Variants in MYO1H observed in about 807,000 individuals in gnomAD.
The protein encoded by MYO1H is unconventional myosin-Ih.
In MYO1H, 118 loss-of-function variants were observed where a neutral mutation model predicts 149.3. The ratio of observed to expected loss-of-function variants is 0.79; its 90% CI spans 0.68 to 0.92. MYO1H has a LOEUF of 0.92. Among genes scored for constraint, MYO1H ranks in the 40% least tolerant of loss-of-function variants. The pLI is 0.00. For synonymous variants in MYO1H, 447 were observed against 465.2 expected (o/e 0.96, Z 0.50); for missense variants, 1,212 against 1,280.7 (o/e 0.95, Z 0.82).
the MYO1H span, among the ~76,000 whole-genome samples, chr12:109,333,409 C>T: frequency 1.3e-5 from 2 of 152,092 alleles, no homozygotes; most frequent in African/African-American, 4.8e-5. Flanking sequence ...CATGGATCAT[C>T]CATTGCCTTC....
At chr12:109,372,357 A>C (rs1267267806) in intron 1 of MYO1H, among the ~76,000 whole-genome samples, 1 of 152,138 alleles carries the variant, frequency 6.6e-6, no homozygotes, top group African/African-American at 2.4e-5. Context: ...CAGTGTTTCC[A>C]ACATTAATTT....
intron 1 of MYO1H, among the ~76,000 whole-genome samples, chr12:109,381,596 G>A (rs1260498903): frequency 6.6e-6 from 1 of 152,108 alleles, no homozygotes; most frequent in Non-Finnish European, 1.5e-5. Flanking sequence ...CTTGAGGTCA[G>A]GAGTTCGAGA....
At chr12:109,347,781 A>G, upstream of MYO1H, 1 of 392,568 alleles carries the variant, frequency 2.5e-6, no homozygotes, top group Non-Finnish European at 4.5e-6. Context: ...GTAGACGGCC[A>G]TAAGATGCAG....
At chr12:109,407,724 A>G in intron 9 of MYO1H, 70 bp from the exon 10 acceptor site, 1 of 1,498,012 alleles carries the variant, frequency 6.7e-7, no homozygotes, top group South Asian at 1.4e-5. Flanking sequence ...TTTAAGAAAA[A>G]AGACTTCTTT....
At chr12:109,441,677 T>A in exon 26 of MYO1H, 1 of 1,612,980 alleles carries the variant, frequency 6.2e-7, no homozygotes, top group Non-Finnish European at 8.5e-7. Flanking sequence ...ACACAGAAAG[T>A]TTAAATCAAC....
At chr12:109,399,075 G>A (rs929269953) in intron 5 of MYO1H, among the ~76,000 whole-genome samples, 2 of 152,218 alleles carry the variant, frequency 1.3e-5, no homozygotes, top group Non-Finnish European at 2.9e-5. Flanking sequence ...TGAGCACGGA[G>A]CTCAATGTTC....
chr12:109,375,892 T>A (rs1321564851), intron 1 of MYO1H, among the ~76,000 whole-genome samples: 4 of 152,082 alleles, frequency 2.6e-5, no homozygotes, highest in African/African-American at 9.7e-5. Context: ...GGCAAGAGGA[T>A]CATTTGAGCC....
intron 1 of MYO1H, among the ~76,000 whole-genome samples, chr12:109,382,286 A>G (rs926684071): frequency 6.6e-6 from 1 of 152,146 alleles, no homozygotes; most frequent in East Asian, 1.9e-4. Flanking sequence ...AATGCAGGAG[A>G]AAGACAGACA....
rs1254835764 is a variant in MYO1H, at chr12:109,422,416, T to TG, written c.1644+1393dup. On this transcript the variant is annotated intron_variant, in intron 16 of 31. Coordinates refer to ENST00000310903, the Ensembl canonical transcript of MYO1H. ...AGTCCCAGCCCAGCCCCTTCCCTGC[T>TG]GGGGACCGTGTGGCAGGTTTCCCGT... Among the ~76,000 whole-genome samples the TG allele has an allele frequency of 1.1e-4, 16 of 152,270 alleles. No homozygotes were observed. The South Asian group carries it at 1.7e-3, about 16-fold the overall frequency.
exon 19 of MYO1H, chr12:109,427,494 G>A (rs777270746): frequency 1.2e-6 from 2 of 1,612,120 alleles, no homozygotes; most frequent in African/African-American, 2.7e-5. Flanking sequence ...TCCTCATAAG[G>A]CATCAGATCA....
intron 28 of MYO1H, among the ~76,000 whole-genome samples, 180 bp from the exon 29 acceptor site, chr12:109,444,033 C>T (rs1375905522): frequency 6.6e-6 from 1 of 152,204 alleles, no homozygotes; most frequent in East Asian, 1.9e-4. Flanking sequence ...CAATAGTCTG[C>T]TTCCACGGTG....
chr12:109,415,002 A>C (rs1055002873), intron 14 of MYO1H, among the ~76,000 whole-genome samples: 2 of 152,126 alleles, frequency 1.3e-5, no homozygotes, highest in African/African-American at 4.8e-5. Context: ...GTGAGCCACC[A>C]TGCCCGGCCA....
At chr12:109,322,466 C>T in the MYO1H span, among the ~76,000 whole-genome samples, 1 of 151,222 alleles carries the variant, frequency 6.6e-6, no homozygotes, top group Non-Finnish European at 1.5e-5. Flanking sequence ...ACAGTTACTG[C>T]TTTTTGTTTG....
intron 5 of MYO1H, among the ~76,000 whole-genome samples, chr12:109,400,435 G>A (rs1158351585): frequency 6.6e-6 from 1 of 152,112 alleles, no homozygotes; most frequent in East Asian, 1.9e-4. Flanking sequence ...TATCTCCCTG[G>A]TGATGAATGA....
chr12:109,427,766 T>TG (rs1198816593), intron 19 of MYO1H, among the ~76,000 whole-genome samples, 180 bp downstream of exon 19: 3 of 145,272 alleles, frequency 2.1e-5, no homozygotes, highest in South Asian at 2.2e-4. Context: ...CAACTCTGGC[T>TG]GGGTGCGGTG....
At chr12:109,391,633 C>T (rs767394730) in intron 2 of MYO1H, among the ~76,000 whole-genome samples, 10 of 152,166 alleles carry the variant, frequency 6.6e-5, no homozygotes, top group Non-Finnish European at 1.5e-4. Flanking sequence ...TTTGAGGAAT[C>T]GCCACACTGT....
chr12:109,419,216 ACT>A lies in MYO1H; in HGVS notation c.1598-1763_1598-1762del, dbSNP rs1491103990. Among the ~76,000 whole-genome samples, 22 of 146,340 alleles carry A rather than the reference ACT, an allele frequency of 1.5e-4. 1 individual carries two copies. The highest frequency in any genetic ancestry group is 4.7e-4 in the African/African-American group (18 of 38,676). On this transcript the variant is annotated intron_variant, in intron 15 of 31. Coordinates refer to ENST00000310903, the Ensembl canonical transcript of MYO1H. ...CACACACACACACACACACACACAC[ACT>A]CACTCATACTCATTCACTCTACCTT... is the stretch of plus-strand genomic sequence containing the variant.
At chr12:109,348,291 G>A (rs1053492286) in intron 1 of MYO1H, among the ~76,000 whole-genome samples, 3 of 152,196 alleles carry the variant, frequency 2.0e-5, no homozygotes, top group African/African-American at 7.2e-5. Context: ...TAATGCAAGA[G>A]CTCTTGGCTA....
At chr12:109,326,929 TC>T in the MYO1H span, among the ~76,000 whole-genome samples, 1 of 151,652 alleles carries the variant, frequency 6.6e-6, no homozygotes, top group African/African-American at 2.4e-5. Flanking sequence ...TTATAAACTT[TC>T]CCCCCACTCT....
Sources: allele counts gnomAD v4.1 joint callset (sites outside exome capture counted in the v4.1 genomes callset), GRCh38; gene constraint gnomAD v4.1.1; transcripts MANE v1.5; gene names NCBI Gene and HGNC (gene_info 2026-07-23, HGNC 2026-07-21).